Variants in EFL1 observed in about 807,000 individuals in gnomAD.
EFL1 encodes the protein elongation factor like GTPase 1, also known as elongation factor-like GTPase 1.
In EFL1, 76 loss-of-function variants were observed where a neutral mutation model predicts 126.7. That is an observed-to-expected ratio of 0.60 (90% CI 0.50 to 0.73). The LOEUF is 0.73. Ranked by LOEUF, EFL1 falls within the 30% of genes least tolerant of loss-of-function variation. The pLI, the probability that EFL1 is intolerant of heterozygous loss-of-function variation, is 0.00. For synonymous variants in EFL1, 410 were observed against 448.4 expected (o/e 0.91, Z 1.08); for missense variants, 1,128 against 1,343.2 (o/e 0.84, Z 2.50).
chr15:82,238,252 A>T lies in EFL1; in HGVS notation c.731+55T>A. On this transcript the variant is annotated intron_variant, in intron 7 of 19. Transcript: ENST00000268206. ...TCAAAATAAAAGTTTCACTAAAAAC[A>T]ATCAACTGCATATAAAATCTGCAAA... 2.6e-6 allele frequency: 4 copies of T among 1,566,828 alleles called. No homozygotes were observed. The South Asian group carries it at 4.6e-5, about 18-fold the overall frequency.
rs118166594 is a variant in EFL1 at position 82,200,047 on chromosome 15, C to T, written c.1750+14670G>A. On this transcript the variant is annotated intron_variant, in intron 15 of 19. Transcript: ENST00000268206. ...AAACAAACTACAGTTGTATGGGAAACGTGGTAGTGAAACAGCGGGGAAGGA... is the reference window on the plus strand; with the variant it reads ...AAACAAACTACAGTTGTATGGGAAATGTGGTAGTGAAACAGCGGGGAAGGA... Among the ~76,000 whole-genome samples the T allele has an allele frequency of 4.1e-4, 63 of 152,170 alleles. No homozygotes were observed. In the East Asian group the frequency reaches 0.011, roughly 26 times the overall value.
chr15:82,182,571 C>A (rs2074262461), intron 15 of EFL1, among the ~76,000 whole-genome samples: 1 of 152,122 alleles, frequency 6.6e-6, no homozygotes, highest in African/African-American at 2.4e-5. Context: ...TGCCTGTAAT[C>A]CCAGCACTTT....
chr15:82,245,602 C>A (rs1323831182), intron 4 of EFL1, among the ~76,000 whole-genome samples: 1 of 151,930 alleles, frequency 6.6e-6, no homozygotes, highest in Admixed American at 6.6e-5. Context: ...GAGAAGCCTG[C>A]CACAAGGAGA....
At chr15:82,219,455 GT>G (rs1223598903) in intron 14 of EFL1, among the ~76,000 whole-genome samples, 196 bp downstream of exon 14, 2 of 152,114 alleles carry the variant, frequency 1.3e-5, no homozygotes, top group African/African-American at 4.8e-5. Flanking sequence ...CCACATATTG[GT>G]TTCCTAAATG....
intron 15 of EFL1, among the ~76,000 whole-genome samples, chr15:82,199,746 C>G (rs1219167321): frequency 2.0e-5 from 3 of 152,082 alleles, no homozygotes; most frequent in Non-Finnish European, 4.4e-5. Flanking sequence ...GGAATCAGCC[C>G]TAGGAAGGCA....
intron 15 of EFL1, among the ~76,000 whole-genome samples, chr15:82,200,140 C>T (rs968157648): frequency 6.6e-6 from 1 of 152,140 alleles, no homozygotes; most frequent in African/African-American, 2.4e-5. Context: ...GGGAAAAAAA[C>T]AAACCTGAAT....
intron 4 of EFL1, among the ~76,000 whole-genome samples, chr15:82,245,638 T>C (rs2074965334): frequency 6.6e-6 from 1 of 152,130 alleles, no homozygotes; most frequent in Admixed American, 6.5e-5. Context: ...ACTCTGATAG[T>C]ATGTGTCAAA....
intron 4 of EFL1, among the ~76,000 whole-genome samples, chr15:82,247,326 G>A (rs918835838): frequency 1.3e-5 from 2 of 152,110 alleles, no homozygotes; most frequent in Non-Finnish European, 2.9e-5. Context: ...ATGTTGTTGA[G>A]AGGATAAGCT....
rs10543301 is a variant in EFL1 at position 82,211,595 on chromosome 15, G to GACACACAC, written c.1750+3114_1750+3121dup. 6.8e-3 allele frequency among the ~76,000 whole-genome samples: 718 copies of GACACACAC among 105,800 alleles called. 31 individuals carry two copies. Among genetic ancestry groups the GACACACAC allele is most frequent in the Non-Finnish European group, 1.0e-2 (518 of 51,902 alleles). 69.4% of individuals were successfully genotyped at this position (105,800 alleles called of 152,430 possible). On this transcript the variant is annotated intron_variant, in intron 15 of 19. Coordinates refer to ENST00000268206, the MANE Select transcript of EFL1 (RefSeq NM_024580.6). The stretch of plus-strand genomic sequence containing the variant: ...ACACACACACACTAGACACATACTA[G>GACACACAC]ACACACACACACACACACACACACT...
intron 2 of EFL1, among the ~76,000 whole-genome samples, chr15:82,259,401 A>G (rs2075093673): frequency 6.6e-6 from 1 of 152,212 alleles, no homozygotes; most frequent in Non-Finnish European, 1.5e-5. Context: ...ACCTCATCTG[A>G]AAAGTTGTCA....
chr15:82,199,985 G>T (rs1200166407), intron 15 of EFL1, among the ~76,000 whole-genome samples: 1 of 152,160 alleles, frequency 6.6e-6, no homozygotes, highest in African/African-American at 2.4e-5. Flanking sequence ...AAACAATACA[G>T]GCTTGCAAAT....
chr15:82,132,889 G>A (rs911317048), intron 19 of EFL1, among the ~76,000 whole-genome samples: 3 of 152,034 alleles, frequency 2.0e-5, no homozygotes, highest in African/African-American at 7.2e-5. Context: ...CCAGCCACTG[G>A]GCCTAGGATA....
At chr15:82,151,146 A>G (rs1364817691) in intron 18 of EFL1, among the ~76,000 whole-genome samples, 1 of 152,116 alleles carries the variant, frequency 6.6e-6, no homozygotes, top group East Asian at 1.9e-4. Context: ...GAACTTTGGG[A>G]GGCCAAAGTG....
chr15:82,221,792 T>C (rs570758749), intron 12 of EFL1, among the ~76,000 whole-genome samples: 1 of 152,304 alleles, frequency 6.6e-6, no homozygotes, highest in South Asian at 2.1e-4. Flanking sequence ...GCTCTAAATG[T>C]CAGAACTTTC....
At chr15:82,167,363 T>C (rs894672020) in intron 15 of EFL1, among the ~76,000 whole-genome samples, 3 of 152,320 alleles carry the variant, frequency 2.0e-5, no homozygotes, top group South Asian at 2.1e-4. Flanking sequence ...ACTGGGTACA[T>C]AGGTCCTTGC....
At chr15:82,167,081 G>A (rs999229922) in intron 15 of EFL1, among the ~76,000 whole-genome samples, 1 of 152,120 alleles carries the variant, frequency 6.6e-6, no homozygotes, top group African/African-American at 2.4e-5. Flanking sequence ...ACATTTCATG[G>A]ATTATAGAGG....
rs991820136 is a variant in EFL1, at chr15:82,253,038, T to C, written c.160-263A>G. ...GCCAATACTTAAATTTTAACCTATA[T>C]AGAGCCTTTTTTTTTTTTGAGACAG... On this transcript the variant is annotated intron_variant, in intron 3 of 19. Transcript: ENST00000268206. Among the ~76,000 whole-genome samples, 9 of 151,070 alleles carry C rather than the reference T, an allele frequency of 6.0e-5. No individual in the cohort carries two copies. In the East Asian group the frequency reaches 1.7e-3, roughly 29 times the overall value.
At chr15:82,195,741 G>A (rs2074401581) in intron 15 of EFL1, among the ~76,000 whole-genome samples, 1 of 152,132 alleles carries the variant, frequency 6.6e-6, no homozygotes, top group Non-Finnish European at 1.5e-5. Flanking sequence ...CCTGGGAGGG[G>A]AGCACACAGT....
chr15:82,177,831 C>T (rs2074210605), intron 15 of EFL1, among the ~76,000 whole-genome samples: 1 of 152,150 alleles, frequency 6.6e-6, no homozygotes, highest in Non-Finnish European at 1.5e-5. Flanking sequence ...AATCTCAGCT[C>T]ACATCATGGG....
Sources: allele counts gnomAD v4.1 joint callset (sites outside exome capture counted in the v4.1 genomes callset), GRCh38; gene constraint gnomAD v4.1.1; transcripts MANE v1.5; gene names NCBI Gene and HGNC (gene_info 2026-07-23, HGNC 2026-07-21).